The following FAM47E variants were observed in gnomAD, a reference collection of about 807,000 sequenced individuals.
FAM47E encodes family with sequence similarity 47 member E, also known as protein FAM47E.
A neutral mutation model predicts 41.6 loss-of-function variants in FAM47E; 32 were observed. That is an observed-to-expected ratio of 0.77 (90% CI 0.58 to 1.03). The LOEUF is 1.03. Ranked by LOEUF, FAM47E falls within the 50% of genes least tolerant of loss-of-function variation. The pLI is 0.00. For synonymous variants in FAM47E, 184 were observed against 188.7 expected (o/e 0.98, Z 0.20); for missense variants, 424 against 485.4 (o/e 0.87, Z 1.19).
At chr4:76,228,744 A>G (rs532695615) in intron 2 of FAM47E, among the ~76,000 whole-genome samples, 1 of 152,222 alleles carries the variant, frequency 6.6e-6, no homozygotes, top group South Asian at 2.1e-4. Flanking sequence ...ATTTTCCTTT[A>G]TAGGTTACAT....
At chr4:76,216,048 T>G (rs950703028) in intron 1 of FAM47E, among the ~76,000 whole-genome samples, 3 of 152,244 alleles carry the variant, frequency 2.0e-5, no homozygotes, top group Middle Eastern at 6.8e-3. Context: ...TGTGTTCAAA[T>G]AGAACCTGGT....
At chr4:76,247,910 CTTTTTTTTTTT>C (rs753751295), upstream of FAM47E, among the ~76,000 whole-genome samples, 3 of 86,846 alleles carry the variant, frequency 3.5e-5, no homozygotes, top group Admixed American at 1.8e-4. Flanking sequence ...CACTCTCTCT[CTTTTTTTTTTT>C]TTTTTTTTTT....
chr4:76,268,997 CT>C (rs1393828353), intron 4 of FAM47E: 1 of 510,824 alleles, frequency 2.0e-6, no homozygotes, highest in African/African-American at 2.0e-5. Flanking sequence ...TGCAAACTTG[CT>C]GCTAATTTGA....
chr4:76,253,548 C>G (rs1734060897), intron 1 of FAM47E, among the ~76,000 whole-genome samples: 1 of 152,046 alleles, frequency 6.6e-6, no homozygotes, highest in South Asian at 2.1e-4. Context: ...GAATGGTAAG[C>G]TTATTAACTA....
At chr4:76,270,268 A>T (rs1040687972) in intron 4 of FAM47E, among the ~76,000 whole-genome samples, 1 of 152,224 alleles carries the variant, frequency 6.6e-6, no homozygotes, top group African/African-American at 2.4e-5. Context: ...GAGCAACCTA[A>T]GTGTGAAGAC....
chr4:76,264,330 G>A (rs1350185330), intron 3 of FAM47E, among the ~76,000 whole-genome samples: 2 of 151,870 alleles, frequency 1.3e-5, no homozygotes, highest in Non-Finnish European at 2.9e-5. Flanking sequence ...CTGAGCAGCT[G>A]GGACTTCAGG....
intron 2 of FAM47E, among the ~76,000 whole-genome samples, chr4:76,241,815 C>T (rs753296108): frequency 2.0e-5 from 3 of 152,134 alleles, no homozygotes; most frequent in Non-Finnish European, 4.4e-5. Flanking sequence ...GTGGTAATAA[C>T]AGCACATTAA....
chr4:76,232,929 T>G (rs1392770507), intron 2 of FAM47E, among the ~76,000 whole-genome samples: 1 of 152,176 alleles, frequency 6.6e-6, no homozygotes, highest in Non-Finnish European at 1.5e-5. Context: ...CCTTTTGAAT[T>G]TAGTTAACAT....
At chr4:76,277,678 C>T (rs775109647) in intron 5 of FAM47E, among the ~76,000 whole-genome samples, 7 of 152,116 alleles carry the variant, frequency 4.6e-5, no homozygotes, top group Admixed American at 2.0e-4. Flanking sequence ...GTGATTTTTA[C>T]GTGATTCCTA....
chr4:76,272,501 G>A (rs1255155632), intron 5 of FAM47E, among the ~76,000 whole-genome samples: 1 of 152,114 alleles, frequency 6.6e-6, no homozygotes, highest in Non-Finnish European at 1.5e-5. Context: ...CAATATTTGG[G>A]ACATATTAAT....
At chr4:76,220,227 G>A (rs1230542926) in intron 2 of FAM47E, among the ~76,000 whole-genome samples, 1 of 152,156 alleles carries the variant, frequency 6.6e-6, no homozygotes, top group African/African-American at 2.4e-5. Flanking sequence ...TAGCAGCATT[G>A]TTCACAATAG....
At chr4:76,249,436 T>C (rs1733903185), upstream of FAM47E, among the ~76,000 whole-genome samples, 1 of 152,178 alleles carries the variant, frequency 6.6e-6, no homozygotes, top group Admixed American at 6.5e-5. Flanking sequence ...TAGAAAGCCA[T>C]CTTAGGAAAC....
In FAM47E at chr4:76,271,465, C is replaced by T. The variant is rs938893514; in HGVS notation, c.670-103C>T. ...TGCTGACTGAGCATTTTCTACCTCT[C>T]CCCAAACTACCTCTTTCCTCAGCGA... On this transcript the variant is annotated intron_variant, in intron 4 of 7. Coordinates refer to ENST00000424749, the MANE Select transcript of FAM47E (RefSeq NM_001136570.3). The T allele has an allele frequency of 1.3e-5, 18 of 1,368,278 alleles. No homozygotes were observed. The South Asian group carries it at 2.4e-4, about 18-fold the overall frequency. 84.8% of individuals were successfully genotyped at this position (1,368,278 alleles called of 1,614,324 possible). A position where few individuals can be genotyped will look rare whatever the true frequency, so the allele number is the denominator to read the frequency against.
chr4:76,225,887 G>C (rs1733389511), intron 2 of FAM47E, among the ~76,000 whole-genome samples: 1 of 152,090 alleles, frequency 6.6e-6, no homozygotes, highest in African/African-American at 2.4e-5. Context: ...TCGGTATTAG[G>C]GTGATACTGG....
At chr4:76,215,057 C>T (rs1733175806) in intron 1 of FAM47E, among the ~76,000 whole-genome samples, 1 of 152,252 alleles carries the variant, frequency 6.6e-6, no homozygotes, top group African/African-American at 2.4e-5. Context: ...AGAAAGAGGC[C>T]CGCCTTAGTA....
At chr4:76,246,860 ATTTG>A (rs1276686509), upstream of FAM47E, among the ~76,000 whole-genome samples, 3 of 152,164 alleles carry the variant, frequency 2.0e-5, no homozygotes, top group East Asian at 3.9e-4. Context: ...TATCTTTCCA[ATTTG>A]TTAAGTTGGA....
At chr4:76,218,055 A>G (rs553645156) in intron 2 of FAM47E, among the ~76,000 whole-genome samples, 1 of 152,352 alleles carries the variant, frequency 6.6e-6, no homozygotes, top group African/African-American at 2.4e-5. Context: ...AGGCCGGGCC[A>G]GGTGGCTCAT....
At chr4:76,273,068 A>G (rs768980) in intron 5 of FAM47E, among the ~76,000 whole-genome samples, 2,950 of 152,300 alleles carry the variant, frequency 0.019, 81 homozygotes, top group African/African-American at 0.065. Flanking sequence ...AAGATCCTCC[A>G]GTGGATGCTG....
intron 1 of FAM47E, among the ~76,000 whole-genome samples, chr4:76,254,562 C>T (rs922440751): frequency 1.3e-5 from 2 of 152,130 alleles, no homozygotes; most frequent in Non-Finnish European, 2.9e-5. Flanking sequence ...GCCCTTAAAA[C>T]AACACCTACA....
Sources: allele counts gnomAD v4.1 joint callset (sites outside exome capture counted in the v4.1 genomes callset), GRCh38; gene constraint gnomAD v4.1.1; transcripts MANE v1.5; gene names NCBI Gene and HGNC (gene_info 2026-07-23, HGNC 2026-07-21).